Variants in LCLAT1 observed in about 807,000 individuals in gnomAD.
The protein encoded by LCLAT1 is 1-AGP acyltransferase 8.
In LCLAT1, 11 loss-of-function variants were observed where a neutral mutation model predicts 30.7. The ratio of observed to expected loss-of-function variants is 0.36; its 90% CI spans 0.23 to 0.59. The LOEUF is 0.59. Ranked by LOEUF, LCLAT1 falls within the 20% of genes least tolerant of loss-of-function variation. LCLAT1 has a pLI of 0.77. For missense variants in LCLAT1, 402 were observed against 458.6 expected, an observed-to-expected ratio of 0.88 and a Z score of 1.13; for synonymous variants, 155 against 151.3, an observed-to-expected ratio of 1.02 and a Z score of -0.18.
chr2:30,464,180 A>G (rs952726728), intron 1 of LCLAT1, among the ~76,000 whole-genome samples: 1 of 152,110 alleles, frequency 6.6e-6, no homozygotes, highest in African/African-American at 2.4e-5. Context: ...CATGCTACAT[A>G]TTAGTCTGAT....
At chr2:30,589,970 G>A (rs1219351802) in intron 5 of LCLAT1, among the ~76,000 whole-genome samples, 2 of 151,942 alleles carry the variant, frequency 1.3e-5, no homozygotes, top group Admixed American at 6.6e-5. Flanking sequence ...CTTCTGTATG[G>A]CATTTTAAAT....
At chr2:30,531,218 T>A (rs969030371) in intron 2 of LCLAT1, among the ~76,000 whole-genome samples, 3 of 151,992 alleles carry the variant, frequency 2.0e-5, no homozygotes, top group Non-Finnish European at 4.4e-5. Context: ...TGAGCCGAGA[T>A]CGCGCCACTA....
intron 1 of LCLAT1, among the ~76,000 whole-genome samples, chr2:30,465,321 A>G (rs1682365536): frequency 6.6e-6 from 1 of 152,192 alleles, no homozygotes; most frequent in African/African-American, 2.4e-5. Context: ...GCATTCCCAC[A>G]GCCATCAACA....
intron 3 of LCLAT1, among the ~76,000 whole-genome samples, chr2:30,558,635 G>A (rs1488768570): frequency 1.4e-5 from 2 of 145,942 alleles, no homozygotes; most frequent in African/African-American, 2.5e-5. Context: ...CAGCATTATT[G>A]TATAGGAAAT....
At chr2:30,612,162 G>A (rs1271894738) in intron 5 of LCLAT1, among the ~76,000 whole-genome samples, 1 of 152,074 alleles carries the variant, frequency 6.6e-6, no homozygotes, top group Non-Finnish European at 1.5e-5. Context: ...GGCTATATTC[G>A]GGAATGTTTA....
At chr2:30,563,592 T>A (rs1336282429) in intron 4 of LCLAT1, among the ~76,000 whole-genome samples, 1 of 152,182 alleles carries the variant, frequency 6.6e-6, no homozygotes, top group East Asian at 1.9e-4. Context: ...AGGAGAGAAC[T>A]GAAGTCTAAA....
intron 1 of LCLAT1, among the ~76,000 whole-genome samples, chr2:30,464,202 T>C (rs943094212): frequency 6.6e-6 from 1 of 152,188 alleles, no homozygotes; most frequent in Non-Finnish European, 1.5e-5. Context: ...TCTTTCCCTT[T>C]TTTTTTAGTG....
intron 3 of LCLAT1, among the ~76,000 whole-genome samples, chr2:30,548,582 A>G (rs1664535792): frequency 6.6e-6 from 1 of 152,212 alleles, no homozygotes; most frequent in Non-Finnish European, 1.5e-5. Flanking sequence ...TCTCTCAGAT[A>G]GCAAACTTCA....
chr2:30,492,884 A>G (rs1025998243), intron 1 of LCLAT1, among the ~76,000 whole-genome samples: 1 of 152,172 alleles, frequency 6.6e-6, no homozygotes, highest in Non-Finnish European at 1.5e-5. Context: ...TGTGAATTTC[A>G]TTTATACATT....
chr2:30,546,435 C>T (rs537071973), intron 3 of LCLAT1, among the ~76,000 whole-genome samples: 19 of 152,008 alleles, frequency 1.2e-4, no homozygotes, highest in Admixed American at 3.3e-4. Context: ...TGTTGTTTAC[C>T]TTTTTAGTAC....
At position 30,634,271 on chromosome 2, in the gene LCLAT1, G is replaced by A. The variant is rs114743329; in HGVS notation, c.629-5846G>A. ...ATAGTCACAGTGTCTGAAACAGAAC[G>A]AACCCGTTTTCTAAAGCCCGTATAG... On this transcript the variant is annotated intron_variant, in intron 5 of 5. Transcript: ENST00000379509. Among the ~76,000 whole-genome samples the A allele has an allele frequency of 3.7e-3, 559 of 152,246 alleles. 2 individuals are homozygous for A. The highest frequency in any genetic ancestry group is 0.011 in the African/African-American group (476 of 41,546).
chr2:30,526,003 T>A (rs1365314599), intron 2 of LCLAT1, among the ~76,000 whole-genome samples: 1 of 152,234 alleles, frequency 6.6e-6, no homozygotes, highest in Non-Finnish European at 1.5e-5. Flanking sequence ...AATCTGTGCA[T>A]CCTCAGTACA....
At chr2:30,589,540 A>G (rs1055502990) in intron 5 of LCLAT1, among the ~76,000 whole-genome samples, 1 of 152,092 alleles carries the variant, frequency 6.6e-6, no homozygotes, top group Admixed American at 6.5e-5. Flanking sequence ...GAAAATGTAA[A>G]TTAGACATAC....
intron 5 of LCLAT1, among the ~76,000 whole-genome samples, chr2:30,598,374 G>GTGTA (rs2148487013): frequency 6.6e-6 from 1 of 151,032 alleles, no homozygotes; most frequent in East Asian, 1.9e-4. Context: ...TCTTGGGAGG[G>GTGTA]TGTATGTGTC....
intron 3 of LCLAT1, among the ~76,000 whole-genome samples, chr2:30,542,479 C>T (rs574011412): frequency 4.2e-4 from 64 of 152,104 alleles, no homozygotes; most frequent in Non-Finnish European, 6.5e-4. Context: ...ATTATTTGTC[C>T]GGTAAGTGTT....
At chr2:30,624,394 C>A (rs1449426933) in intron 5 of LCLAT1, among the ~76,000 whole-genome samples, 1 of 152,246 alleles carries the variant, frequency 6.6e-6, no homozygotes, top group Non-Finnish European at 1.5e-5. Flanking sequence ...AATAAGGACT[C>A]ACATAAACTT....
At chr2:30,585,249 C>A (rs1422136926) in intron 5 of LCLAT1, among the ~76,000 whole-genome samples, 2 of 151,992 alleles carry the variant, frequency 1.3e-5, no homozygotes, top group South Asian at 2.1e-4. Context: ...TAATTTACCT[C>A]TGATTTATCC....
At chr2:30,522,635 A>G (rs1042196350) in intron 1 of LCLAT1, among the ~76,000 whole-genome samples, 1 of 152,208 alleles carries the variant, frequency 6.6e-6, no homozygotes, top group Non-Finnish European at 1.5e-5. Context: ...ATATCTTTGT[A>G]TGTTTATTGA....
At chr2:30,506,252 G>A (rs1684654123) in intron 1 of LCLAT1, among the ~76,000 whole-genome samples, 1 of 151,812 alleles carries the variant, frequency 6.6e-6, no homozygotes, top group East Asian at 1.9e-4. Flanking sequence ...TTCCTTTCCT[G>A]TTGTCTGTTT....
Sources: gnomAD v4.1 joint callset for allele counts (sites outside exome capture counted in the v4.1 genomes callset) on GRCh38, gnomAD v4.1.1 for gene constraint, MANE v1.5 for transcripts, NCBI Gene and HGNC (gene_info 2026-07-23, HGNC 2026-07-21) for gene names.